The following ZNF274 variants were observed in gnomAD, a reference collection of about 807,000 sequenced individuals.
ZNF274 encodes zinc finger protein 274.
A neutral mutation model predicts 42.5 loss-of-function variants in ZNF274; 23 were observed. The observed-to-expected ratio is 0.54, with a 90% CI of 0.39 to 0.77. ZNF274 has a LOEUF of 0.77. Among genes scored for constraint, ZNF274 ranks in the 30% least tolerant of loss-of-function variants. The pLI, the probability that ZNF274 is intolerant of heterozygous loss-of-function variation, is 0.00. For missense variants in ZNF274, 679 were observed against 806.5 expected, an observed-to-expected ratio of 0.84 and a Z score of 1.91; for synonymous variants, 292 against 305.4, an observed-to-expected ratio of 0.96 and a Z score of 0.46.
Position 58,213,233 on chromosome 19 carries a change from G to C in ZNF274, c.*90G>C. On this transcript the variant is annotated 3_prime_UTR_variant, in exon 8 of 8. Coordinates refer to ENST00000617501, the MANE Select transcript of ZNF274 (RefSeq NM_133502.3). ...CTGCTTGTGAATCAGGACTGAATGTGAAAGGGAAGTATTGAGTGAGGACAT... is the reference window on the plus strand; with the variant it reads ...CTGCTTGTGAATCAGGACTGAATGTCAAAGGGAAGTATTGAGTGAGGACAT... 1 of 1,485,700 alleles carries C rather than the reference G, an allele frequency of 6.7e-7. No individual in the cohort carries two copies. The highest frequency in any genetic ancestry group is 1.4e-5 in the South Asian group (1 of 71,846). The allele number at this position is 1,485,700 out of a possible 1,614,324, so 92.0% of individuals were successfully genotyped here.
chr19:58,187,135 C>G, intron 4 of ZNF274, 93 bp downstream of exon 4: 1 of 1,093,370 alleles, frequency 9.1e-7, no homozygotes, highest in Non-Finnish European at 1.3e-6. Context: ...ATTGGGATAC[C>G]CCAGGTGGGA....
At chr19:58,210,624 G>A (rs2146251465) in intron 6 of ZNF274, 1 of 152,560 alleles carries the variant, frequency 6.6e-6, no homozygotes, top group Non-Finnish European at 1.5e-5. Flanking sequence ...TGTATTCTCT[G>A]GTAGGCTTCA....
At chr19:58,199,749 A>G (rs968870417) in intron 4 of ZNF274, among the ~76,000 whole-genome samples, 1 of 152,266 alleles carries the variant, frequency 6.6e-6, no homozygotes, top group African/African-American at 2.4e-5. Flanking sequence ...CACCAGGAAT[A>G]TCAAATTTGA....
intron 4 of ZNF274, among the ~76,000 whole-genome samples, chr19:58,192,509 C>T (rs1016011281): frequency 5.3e-5 from 8 of 152,286 alleles, no homozygotes; most frequent in Non-Finnish European, 1.0e-4. Context: ...ATATTTCATA[C>T]GTAAAGTCGG....
chr19:58,203,035 A>G (rs1482167509), intron 4 of ZNF274, among the ~76,000 whole-genome samples: 1 of 152,228 alleles, frequency 6.6e-6, no homozygotes, highest in Non-Finnish European at 1.5e-5. Flanking sequence ...GGGCCAAGGC[A>G]TGAAAATCCC....
chr19:58,192,471 G>T (rs1199003024), intron 4 of ZNF274, among the ~76,000 whole-genome samples: 1 of 152,196 alleles, frequency 6.6e-6, no homozygotes, highest in Non-Finnish European at 1.5e-5. Flanking sequence ...AAGCCATCAA[G>T]AATTTCTCGT....
intron 4 of ZNF274, 55 bp from the exon 5 acceptor site, chr19:58,206,665 G>C: frequency 6.7e-7 from 1 of 1,492,894 alleles, no homozygotes. Context: ...TAATGGCGTT[G>C]AGCATCTTTT....
intron 4 of ZNF274, among the ~76,000 whole-genome samples, chr19:58,198,807 CTTTT>C (rs59644027): frequency 1.5e-5 from 2 of 131,492 alleles, no homozygotes; most frequent in African/African-American, 2.8e-5. Context: ...TTAACTTTGA[CTTTT>C]TTTTTTTTTT....
chr19:58,211,999 C>T lies in ZNF274; in HGVS notation c.980-162C>T, dbSNP rs1164562171. Among the ~76,000 whole-genome samples, 1 of 152,174 alleles carries T rather than the reference C, an allele frequency of 6.6e-6. No homozygotes were observed. Among genetic ancestry groups the T allele is most frequent in the Non-Finnish European group, 1.5e-5 (1 of 68,028 alleles). On this transcript the variant is annotated intron_variant, in intron 7 of 7. Coordinates refer to ENST00000617501, the MANE Select transcript of ZNF274 (RefSeq NM_133502.3). This position sits in a 1 kb window ranked among gnomAD's most constrained non-coding sequence, Gnocchi z 4.8. ...TGTTCACCAAGGTCAGTGCTCCCCT[C>T]CCTGCCGCTTCATTGCTTTTCAGTC...
intron 4 of ZNF274, among the ~76,000 whole-genome samples, chr19:58,203,155 C>T (rs1256486286): frequency 6.6e-6 from 1 of 152,052 alleles, no homozygotes; most frequent in East Asian, 1.9e-4. Context: ...CAGTGCTGGT[C>T]TGCCACTTAG....
Position 58,211,442 on chromosome 19 carries a change from G to A in ZNF274, c.853-118G>A. 1 of 1,332,684 alleles carries A rather than the reference G, an allele frequency of 7.5e-7. No homozygotes were observed. Among genetic ancestry groups the A allele is most frequent in the Non-Finnish European group, 1.0e-6 (1 of 995,026 alleles). 82.6% of individuals were successfully genotyped at this position (1,332,684 alleles called of 1,614,324 possible). On this transcript the variant is annotated intron_variant, in intron 6 of 7. Coordinates refer to ENST00000617501, the MANE Select transcript of ZNF274 (RefSeq NM_133502.3). The surrounding 1 kb of genome is among the most constrained non-coding windows in gnomAD (Gnocchi z 4.8). ...TGGTGTCTCTGAGCAAATCCCCAAA[G>A]CAGGAGAGTCCCTAGCACCGTGAGC... is the stretch of plus-strand genomic sequence containing the variant.
intron 4 of ZNF274, chr19:58,202,482 T>G (rs1195701330): frequency 6.6e-6 from 1 of 152,264 alleles, no homozygotes; most frequent in Non-Finnish European, 1.5e-5. Flanking sequence ...CTCAGTGAAT[T>G]TGTTTCACAA....
At position 58,207,886 on chromosome 19, in the gene ZNF274, C is replaced by A. The variant is rs1239389727; in HGVS notation, c.739+684C>A. Among the ~76,000 whole-genome samples, 1 of 152,178 alleles carries A rather than the reference C, an allele frequency of 6.6e-6. No homozygotes were observed. Among genetic ancestry groups the A allele is most frequent in the African/African-American group, 2.4e-5 (1 of 41,440 alleles). Reference sequence around the variant, plus strand: ...CCCTGAGTTCCAGAAACTGGTGGCACCACTGGATTTGACCTTTAGAGATTT... The same window carrying A: ...CCCTGAGTTCCAGAAACTGGTGGCAACACTGGATTTGACCTTTAGAGATTT... On this transcript the variant is annotated intron_variant, in intron 5 of 7. Coordinates refer to ENST00000617501, the MANE Select transcript of ZNF274 (RefSeq NM_133502.3). This position sits in a 1 kb window ranked among gnomAD's most constrained non-coding sequence, Gnocchi z 5.6.
intron 2 of ZNF274, 43 bp from the exon 3 acceptor site, chr19:58,185,669 G>C: frequency 2.9e-6 from 4 of 1,389,024 alleles, no homozygotes; most frequent in Non-Finnish European, 2.8e-6. Context: ...CTTTTGTCGT[G>C]GATGCGGATG....
chr19:58,200,986 G>A (rs1017416381), intron 4 of ZNF274, among the ~76,000 whole-genome samples: 1 of 151,648 alleles, frequency 6.6e-6, no homozygotes, highest in African/African-American at 2.4e-5. Context: ...GGAAGAAGGT[G>A]CCGCATACTG....
At position 58,213,203 on chromosome 19, in the gene ZNF274, C is replaced by G; in HGVS notation, c.*60C>G. The G allele has an allele frequency of 1.3e-6, 2 of 1,536,244 alleles. No individual in the cohort carries two copies. Among genetic ancestry groups the G allele is most frequent in the Non-Finnish European group, 1.7e-6 (2 of 1,144,944 alleles). On this transcript the variant is annotated 3_prime_UTR_variant, in exon 8 of 8. Transcript: ENST00000617501. The stretch of plus-strand genomic sequence containing the variant: ...GCTTGACCCTGCAATATAACATGCA[C>G]AGGCCTGCTTGTGAATCAGGACTGA...
chr19:58,204,297 G>A (rs1022084261), intron 4 of ZNF274, among the ~76,000 whole-genome samples: 1 of 152,140 alleles, frequency 6.6e-6, no homozygotes, highest in Admixed American at 6.5e-5. Flanking sequence ...AGGCTGCTGG[G>A]AGCTGTAGGC....
intron 2 of ZNF274, chr19:58,184,261 G>C (rs1044402017): frequency 2.3e-6 from 1 of 440,364 alleles, no homozygotes; most frequent in African/African-American, 2.0e-5. Context: ...CCTTTATATT[G>C]GGAAGAGTAA....
intron 4 of ZNF274, among the ~76,000 whole-genome samples, chr19:58,200,487 C>T (rs539185966): frequency 2.6e-5 from 4 of 152,178 alleles, no homozygotes; most frequent in Admixed American, 1.3e-4. Context: ...AAGCGAGGTA[C>T]GGGTGGGCAG....
Sources: gnomAD v4.1 joint callset for allele counts (sites outside exome capture counted in the v4.1 genomes callset) on GRCh38, gnomAD v4.1.1 for gene constraint, Gnocchi (gnomAD v3.1) non-coding constraint, MANE v1.5 for transcripts, NCBI Gene and HGNC (gene_info 2026-07-23, HGNC 2026-07-21) for gene names.